Variants in RORA observed in about 807,000 individuals in gnomAD.
The protein encoded by RORA is nuclear receptor ROR-alpha.
In RORA, 7 loss-of-function variants were observed where a neutral mutation model predicts 69.5. The observed-to-expected ratio is 0.10, with a 90% CI of 0.06 to 0.19. RORA has a LOEUF of 0.19. Among genes scored for constraint, RORA ranks in the 10% least tolerant of loss-of-function variants. The pLI is 1.00. For synonymous variants in RORA, 261 were observed against 240.8 expected (o/e 1.08, Z -0.78); for missense variants, 457 against 663.0 (o/e 0.69, Z 3.41).
intron 1 of RORA, among the ~76,000 whole-genome samples, chr15:60,851,915 T>C (rs1391688164): frequency 5.3e-5 from 8 of 152,142 alleles, no homozygotes; most frequent in Non-Finnish European, 1.0e-4. Context: ...GTGCTGATAA[T>C]GTCTCAGCTC....
In RORA at chr15:60,494,857, C is replaced by G. The variant is rs1014277919; in HGVS notation, c.*2598G>C. 2 of 152,288 alleles carry G rather than the reference C, an allele frequency of 1.3e-5. No individual in the cohort carries two copies. Among genetic ancestry groups the G allele is most frequent in the African/African-American group, 2.4e-5 (1 of 41,566 alleles). 9.4% of individuals were successfully genotyped at this position (152,288 alleles called of 1,614,324 possible). A position where few individuals can be genotyped will look rare whatever the true frequency, so the allele number is the denominator to read the frequency against. Reference sequence around the variant, plus strand: ...GATTGTTTGTAGGTACATGCAGAATCCCTTCTGGGAAAAGGAATTTCTTTT... The same window carrying G: ...GATTGTTTGTAGGTACATGCAGAATGCCTTCTGGGAAAAGGAATTTCTTTT... On this transcript the variant is annotated 3_prime_UTR_variant, in exon 11 of 11. Transcript: ENST00000335670.
At position 61,229,066 on chromosome 15, in the gene RORA, G is replaced by A. The variant is rs1305371922; in HGVS notation, c.153C>T (p.Ser51=). The A allele has an allele frequency of 6.5e-7, 1 of 1,530,498 alleles. No individual in the cohort carries two copies. The highest frequency in any genetic ancestry group is 8.8e-7 in the Non-Finnish European group (1 of 1,139,044). 94.8% of individuals were successfully genotyped at this position (1,530,498 alleles called of 1,614,324 possible). A position where few individuals can be genotyped will look rare whatever the true frequency, so the allele number is the denominator to read the frequency against. Residue 51 remains serine (S), a synonymous_variant, in exon 1 of 11, where the codon TCC becomes TCT. Coordinates refer to ENST00000335670, the MANE Select transcript of RORA (RefSeq NM_134261.3). ...CCAGCCTCCTACCTCTGCTGGTGCT[G>A]GAATAGCTCTGTCTGCGCACCGGGG... ...PPAPVRRQSY[S]STSRGISVTK...
chr15:60,870,909 G>C (rs554766044), intron 1 of RORA, among the ~76,000 whole-genome samples: 1 of 152,130 alleles, frequency 6.6e-6, no homozygotes, highest in African/African-American at 2.4e-5. Flanking sequence ...GTGATCTCTT[G>C]CCAAGAAGTA....
intron 1 of RORA, among the ~76,000 whole-genome samples, chr15:60,748,044 C>A (rs950889965): frequency 6.6e-6 from 1 of 152,144 alleles, no homozygotes; most frequent in South Asian, 2.1e-4. Flanking sequence ...CAAACTTGCT[C>A]GCCCCATGGT....
At chr15:60,870,161 C>G (rs1418224263) in intron 1 of RORA, among the ~76,000 whole-genome samples, 5 of 152,212 alleles carry the variant, frequency 3.3e-5, no homozygotes, top group Non-Finnish European at 5.9e-5. Flanking sequence ...CTAGCCACAG[C>G]TGGCTACAGA....
chr15:61,054,707 G>A (rs1296202090), intron 1 of RORA, among the ~76,000 whole-genome samples: 1 of 152,152 alleles, frequency 6.6e-6, no homozygotes, highest in Non-Finnish European at 1.5e-5. Context: ...GACACTACGA[G>A]ACAAGGCACT....
At chr15:60,558,366 C>A in intron 2 of RORA, 1 of 1,096,864 alleles carries the variant, frequency 9.1e-7, no homozygotes, top group South Asian at 1.3e-5. Flanking sequence ...ATTAGTTGGC[C>A]ACTGCCTTGT....
chr15:60,573,238 A>C (rs1419802731), intron 2 of RORA, among the ~76,000 whole-genome samples: 23 of 152,174 alleles, frequency 1.5e-4, no homozygotes, highest in Admixed American at 1.5e-3. Flanking sequence ...AAGCCAAAAC[A>C]CTACTGCCCC....
chr15:60,849,719 A>G (rs1380450216), intron 1 of RORA, among the ~76,000 whole-genome samples: 6 of 152,216 alleles, frequency 3.9e-5, no homozygotes, highest in Admixed American at 3.9e-4. Flanking sequence ...ACAGTGATTG[A>G]TTTCAAGCTA....
intron 1 of RORA, among the ~76,000 whole-genome samples, chr15:60,772,925 C>T (rs1417131944): frequency 2.6e-5 from 4 of 152,258 alleles, no homozygotes; most frequent in East Asian, 3.8e-4. Flanking sequence ...TGTGCCCAGA[C>T]TTTATCTTAA....
At chr15:60,621,638 C>G (rs2069410295) in intron 2 of RORA, among the ~76,000 whole-genome samples, 1 of 152,124 alleles carries the variant, frequency 6.6e-6, no homozygotes, top group Non-Finnish European at 1.5e-5. Context: ...AATACAAAAA[C>G]AGATTGTGGG....
intron 1 of RORA, among the ~76,000 whole-genome samples, chr15:61,019,603 G>T (rs1895432576): frequency 6.6e-6 from 1 of 152,102 alleles, no homozygotes; most frequent in Non-Finnish European, 1.5e-5. Context: ...GGAAAAGTTA[G>T]TGAAGGGGGG....
intron 2 of RORA, among the ~76,000 whole-genome samples, chr15:60,591,973 G>C (rs1359721938): frequency 6.6e-6 from 1 of 151,920 alleles, no homozygotes; most frequent in African/African-American, 2.4e-5. Context: ...CCCGACCTAG[G>C]CCGGAGCTGT....
At chr15:60,605,101 A>G (rs2068914727) in intron 2 of RORA, among the ~76,000 whole-genome samples, 1 of 152,154 alleles carries the variant, frequency 6.6e-6, no homozygotes, top group Non-Finnish European at 1.5e-5. Flanking sequence ...ATAATTTTTC[A>G]CTTTAGAAGT....
At chr15:60,497,972 T>C (rs1595861406) in intron 10 of RORA, among the ~76,000 whole-genome samples, 1 of 151,776 alleles carries the variant, frequency 6.6e-6, no homozygotes, top group Admixed American at 6.6e-5. Flanking sequence ...GGCAGGAGAA[T>C]TGCTAGAACC....
chr15:61,080,055 A>T (rs1199360595), intron 1 of RORA, among the ~76,000 whole-genome samples: 1 of 152,216 alleles, frequency 6.6e-6, no homozygotes, highest in Non-Finnish European at 1.5e-5. Flanking sequence ...CCTAGCACAC[A>T]GTTGAACAGA....
At chr15:61,013,779 C>CTTTTTTTTTTTTTT (rs3053960) in intron 1 of RORA, among the ~76,000 whole-genome samples, 2 of 70,932 alleles carry the variant, frequency 2.8e-5, no homozygotes, top group Non-Finnish European at 5.0e-5. Flanking sequence ...ACTGGGTTGG[C>CTTTTTTTTTTTTTT]TTTTTTTTTT....
intron 1 of RORA, among the ~76,000 whole-genome samples, chr15:61,158,357 G>T (rs557573278): frequency 6.6e-6 from 1 of 152,322 alleles, no homozygotes; most frequent in Admixed American, 6.5e-5. Context: ...TTTGCAAGTT[G>T]TGGGTTCTCA....
At chr15:60,948,623 T>A (rs1892978160) in intron 1 of RORA, among the ~76,000 whole-genome samples, 1 of 152,178 alleles carries the variant, frequency 6.6e-6, no homozygotes, top group South Asian at 2.1e-4. Context: ...CATTTTCTCC[T>A]ATTTTAAAGA....
Sources: gnomAD v4.1 joint callset for allele counts (sites outside exome capture counted in the v4.1 genomes callset) on GRCh38, gnomAD v4.1.1 for gene constraint, MANE v1.5 for transcripts, NCBI Gene and HGNC (gene_info 2026-07-23, HGNC 2026-07-21) for gene names.